The following PPP1R26 variants were observed in gnomAD, a reference collection of about 807,000 sequenced individuals.
PPP1R26 encodes protein phosphatase 1 regulatory subunit 26.
In PPP1R26, 22 loss-of-function variants were observed where a neutral mutation model predicts 67.6. The observed-to-expected ratio is 0.33, with a 90% CI of 0.23 to 0.46. The LOEUF is 0.46. Ranked by LOEUF, PPP1R26 falls within the 20% of genes least tolerant of loss-of-function variation. The pLI, the probability that PPP1R26 is intolerant of heterozygous loss-of-function variation, is 1.00. For missense variants in PPP1R26, 1,602 were observed against 1,651.4 expected (o/e 0.97, Z 0.52); for synonymous variants, 729 against 717.2 (o/e 1.02, Z -0.26).
upstream of PPP1R26, chr9:135,479,242 C>G (rs1830428135): frequency 6.6e-6 from 1 of 152,012 alleles, no homozygotes; most frequent in South Asian, 2.1e-4. The surrounding 1 kb of genome is among the most constrained non-coding windows in gnomAD (Gnocchi z 5.9). Context: ...CGCGGGGACA[C>G]GCGGGGGCCG....
rs1346803374 is a variant in PPP1R26, at chr9:135,484,765, C to G, written c.255C>G (p.Ala85=). The change falls in exon 4 of 4, where the codon GCC becomes GCG. Residue 85 remains alanine, a synonymous_variant. Transcript: ENST00000356818. ...AEGCHDARPA[A]KPTVHKEPPA... is the part of the protein sequence containing the mutation. The stretch of plus-strand genomic sequence containing the variant: ...GATGCCACGACGCCAGGCCGGCTGC[C>G]AAGCCCACCGTGCACAAGGAGCCAC... The G allele has an allele frequency of 3.1e-6, 5 of 1,610,992 alleles. No homozygotes were observed. The South Asian group carries it at 5.5e-5, about 18-fold the overall frequency.
chr9:135,484,643 GC>G lies in PPP1R26; in HGVS notation c.136del (p.Arg46GlyfsTer76). On this transcript the variant is annotated frameshift_variant, in exon 4 of 4. Coordinates refer to ENST00000356818, the MANE Select transcript of PPP1R26 (RefSeq NM_014811.5). LOFTEE classifies it high-confidence loss of function. ...DEGVESASVSARVQMLISTLQ... is the reference protein window; with the variant it reads ...DEGVESASVSXRVQMLISTLQ... ...GGGCGTGGAGAGCGCGTCGGTGAGC[GC>G]CCGGGTGCAGATGCTTATCAGCACT... The G allele has an allele frequency of 6.2e-7, 1 of 1,611,374 alleles. No individual in the cohort carries two copies.
chr9:135,482,347 A>G (rs569522145), intron 1 of PPP1R26, among the ~76,000 whole-genome samples: 9 of 152,208 alleles, frequency 5.9e-5, no homozygotes, highest in Non-Finnish European at 1.0e-4. Flanking sequence ...GAATCTCTCC[A>G]GAAGGTGACT....
chr9:135,483,960 G>T lies in PPP1R26; in HGVS notation c.-185G>T. On this transcript the variant is annotated 5_prime_UTR_variant, in exon 3 of 4. Transcript: ENST00000356818. ...AACTTTCCGTTCCAGGAGCTTGTCG[G>T]TTGGGTCAAGAATGAACCTACGCAT... 1 of 399,022 alleles carries T rather than the reference G, an allele frequency of 2.5e-6. No individual in the cohort carries two copies. The highest frequency in any genetic ancestry group is 1.3e-4 in the South Asian group (1 of 7,870). 24.7% of individuals were successfully genotyped at this position (399,022 alleles called of 1,614,324 possible). A position where few individuals can be genotyped will look rare whatever the true frequency, so the allele number is the denominator to read the frequency against.
intron 3 of PPP1R26, 128 bp downstream of exon 3, chr9:135,484,210 G>A (rs1344408380): frequency 4.2e-6 from 2 of 476,170 alleles, no homozygotes; most frequent in East Asian, 3.2e-5. Context: ...TTTTCTTACT[G>A]AATCTTCCCA....
At position 135,487,470 on chromosome 9, in the gene PPP1R26, G is replaced by A; in HGVS notation, c.2960G>A (p.Gly987Asp). 2 of 1,610,650 alleles carry A rather than the reference G, an allele frequency of 1.2e-6. No individual in the cohort carries two copies. Among genetic ancestry groups the A allele is most frequent in the Non-Finnish European group, 1.7e-6 (2 of 1,179,746 alleles). The change falls in exon 4 of 4, where the codon GGC becomes GAC. Residue 987 changes from glycine to aspartate, a missense_variant. Coordinates refer to ENST00000356818, the MANE Select transcript of PPP1R26 (RefSeq NM_014811.5). ...FGQLPSCATA[G>D]TEAGGARGTF... ...CAGCTGCCCAGCTGTGCCACAGCGGGCACCGAGGCAGGAGGCGCCAGAGGA... is the reference window on the plus strand; with the variant it reads ...CAGCTGCCCAGCTGTGCCACAGCGGACACCGAGGCAGGAGGCGCCAGAGGA...
intron 1 of PPP1R26, among the ~76,000 whole-genome samples, chr9:135,481,184 C>CTCT (rs985694316): frequency 2.0e-5 from 3 of 151,788 alleles, no homozygotes; most frequent in African/African-American, 7.3e-5. Context: ...AAGCCTGCAC[C>CTCT]TCTGGCTTGG....
chr9:135,482,987 C>CTTTTTTTTTTTTT (rs57608324), intron 2 of PPP1R26, among the ~76,000 whole-genome samples, 172 bp downstream of exon 2: 5 of 112,042 alleles, frequency 4.5e-5, no homozygotes, highest in East Asian at 3.2e-4. Flanking sequence ...TTCTTTCTTT[C>CTTTTTTTTTTTTT]TTTTTTTTTT....
In PPP1R26 at chr9:135,486,968, A is replaced by G; in HGVS notation, c.2458A>G (p.Ser820Gly). ...FPRESQGPAP[S>G]PGSLSDDSSS... The stretch of plus-strand genomic sequence containing the variant: ...CAGGGAGTCCCAGGGCCCAGCTCCC[A>G]GCCCCGGCTCCCTGTCTGATGACAG... The change falls in exon 4 of 4, where the codon AGC (serine) becomes GGC (glycine). Residue 820 changes from serine to glycine, a missense_variant. Physicochemically the swap from Ser to Gly is moderately conservative, Grantham distance 56. Transcript: ENST00000356818. This position sits in a 1 kb window ranked among gnomAD's most constrained non-coding sequence, Gnocchi z 6.2. The G allele has an allele frequency of 1.2e-6, 2 of 1,612,934 alleles. No individual in the cohort carries two copies. Among genetic ancestry groups the G allele is most frequent in the Non-Finnish European group, 1.7e-6 (2 of 1,180,018 alleles).
chr9:135,481,108 G>C (rs1468086130), intron 1 of PPP1R26, among the ~76,000 whole-genome samples: 1 of 152,180 alleles, frequency 6.6e-6, no homozygotes, highest in Non-Finnish European at 1.5e-5. Flanking sequence ...GTGTGGCCTT[G>C]GGGTGCAGGT....
chr9:135,482,987 CTT>C (rs57608324), intron 2 of PPP1R26, among the ~76,000 whole-genome samples, 172 bp downstream of exon 2: 10 of 112,060 alleles, frequency 8.9e-5, no homozygotes, highest in Admixed American at 2.3e-4. Flanking sequence ...TTCTTTCTTT[CTT>C]TTTTTTTTTT....
intron 1 of PPP1R26, among the ~76,000 whole-genome samples, chr9:135,480,935 G>T (rs912244107): frequency 6.6e-6 from 1 of 152,144 alleles, no homozygotes; most frequent in African/African-American, 2.4e-5. Context: ...GCTGCTTTTC[G>T]GCCAACCGAG....
upstream of PPP1R26, among the ~76,000 whole-genome samples, chr9:135,479,447 C>A (rs1349594379): frequency 1.3e-5 from 2 of 151,166 alleles, no homozygotes; most frequent in Non-Finnish European, 3.0e-5. This position sits in a 1 kb window ranked among gnomAD's most constrained non-coding sequence, Gnocchi z 5.9. Context: ...GCCCCCTGCG[C>A]GCCCCCCGGA....
chr9:135,485,284 T>C lies in PPP1R26; in HGVS notation c.774T>C (p.Asn258=). The part of the protein sequence containing the change: ...SVEKKPDTNE[N]SAKSLLKSHQ... The stretch of plus-strand genomic sequence containing the variant: ...AGAAGAAACCAGACACAAATGAAAA[T>C]TCCGCCAAGTCACTCTTGAAATCCC... Residue 258 remains asparagine (N), a synonymous_variant, in exon 4 of 4, where the codon AAT becomes AAC. Transcript: ENST00000356818. The surrounding 1 kb of genome is among the most constrained non-coding windows in gnomAD (Gnocchi z 7.2). 1 of 1,612,672 alleles carries C rather than the reference T, an allele frequency of 6.2e-7. No individual in the cohort carries two copies. The highest frequency in any genetic ancestry group is 8.5e-7 in the Non-Finnish European group (1 of 1,179,910).
Position 135,486,678 on chromosome 9 carries a change from G to T in PPP1R26, c.2168G>T (p.Arg723Met). 1 of 1,605,594 alleles carries T rather than the reference G, an allele frequency of 6.2e-7. No individual in the cohort carries two copies. Among genetic ancestry groups the T allele is most frequent in the Non-Finnish European group, 8.5e-7 (1 of 1,176,638 alleles). The part of the protein sequence containing the change: ...EPRAACRKKV[R>M]FSTAQTHFLE... ...AGGGCTGCGTGCAGGAAGAAGGTCA[G>T]GTTCAGCACAGCCCAGACGCACTTC... The change falls in exon 4 of 4, where the codon AGG becomes ATG. Residue 723 changes from arginine to methionine, a missense_variant. By Grantham distance (91) the Arg-to-Met change is moderately conservative. Transcript: ENST00000356818. The surrounding 1 kb of genome is among the most constrained non-coding windows in gnomAD (Gnocchi z 6.2).
In PPP1R26 at chr9:135,484,552, C is replaced by G. The variant is rs1456346942; in HGVS notation, c.42C>G (p.Ser14=). The change falls in exon 4 of 4, where the codon TCC becomes TCG. Residue 14 remains serine (S), a synonymous_variant. Transcript: ENST00000356818. ...CTTCTCCAGTGGTTGCTCTCCAGTC[C>G]AAATGGGAGGCCTTTGGCCCGCCAG... ...MNASPVVALQ[S]KWEAFGPPGS... The G allele has an allele frequency of 6.2e-7, 1 of 1,610,830 alleles. No homozygotes were observed. Among genetic ancestry groups the G allele is most frequent in the East Asian group, 2.2e-5 (1 of 44,876 alleles).
Position 135,488,002 on chromosome 9 carries a change from G to A in PPP1R26, c.3492G>A (p.Glu1164=). 6.2e-7 allele frequency: 1 copy of A among 1,611,620 alleles called. No individual in the cohort carries two copies. Among genetic ancestry groups the A allele is most frequent in the East Asian group, 2.2e-5 (1 of 44,814 alleles). The part of the protein sequence containing the change: ...SLHDRRSSGS[E]ESILDLRYRR... ...ATGACAGGAGGAGCTCGGGCTCGGA[G>A]GAAAGCATTTTAGACCTGAGGTATC... The change falls in exon 4 of 4, where the codon GAG becomes GAA. Residue 1164 remains glutamate (E), a synonymous_variant. Transcript: ENST00000356818.
intron 2 of PPP1R26, among the ~76,000 whole-genome samples, 172 bp downstream of exon 2, chr9:135,482,987 CTTTTTTTTTTT>C (rs57608324): frequency 8.9e-6 from 1 of 112,060 alleles, no homozygotes; most frequent in Non-Finnish European, 1.7e-5. Context: ...TTCTTTCTTT[CTTTTTTTTTTT>C]TTTTTTTTTG....
Position 135,486,186 on chromosome 9 carries a change from C to G in PPP1R26, c.1676C>G (p.Pro559Arg). 1.9e-6 allele frequency: 3 copies of G among 1,612,966 alleles called. No individual in the cohort carries two copies. Among genetic ancestry groups the G allele is most frequent in the East Asian group, 2.2e-5 (1 of 44,874 alleles). The change falls in exon 4 of 4, where the codon CCG becomes CGG. Residue 559 changes from proline to arginine, a missense_variant. Pro to Arg is a moderately radical substitution (Grantham distance 103). Transcript: ENST00000356818. The surrounding 1 kb of genome is among the most constrained non-coding windows in gnomAD (Gnocchi z 6.2). ...TTGCTGGCCAGAGGTGAGAGCTGCC[C>G]GCAGGCTGCCCAGGGTCCACTTTTG... ...GSLLARGESC[P>R]QAAQGPLLPP...
Sources: allele counts gnomAD v4.1 joint callset (sites outside exome capture counted in the v4.1 genomes callset), GRCh38; gene constraint gnomAD v4.1.1; non-coding constraint Gnocchi (gnomAD v3.1); transcripts MANE v1.5; gene names NCBI Gene and HGNC (gene_info 2026-07-23, HGNC 2026-07-21).